SEC24B: variants seen among roughly 807,000 people sequenced by gnomAD.
SEC24B encodes protein transport protein Sec24B.
A neutral mutation model predicts 142.8 loss-of-function variants in SEC24B; 45 were observed. The ratio of observed to expected loss-of-function variants is 0.32; its 90% CI spans 0.25 to 0.40. The LOEUF is 0.40. SEC24B is among the 10% of genes least tolerant of loss of function. The probability of loss-of-function intolerance (pLI) is 1.00; values close to 1 mark genes in which losing one functional copy is unlikely to be tolerated. For missense variants in SEC24B, 1,409 were observed against 1,526.8 expected (o/e 0.92, Z 1.29); for synonymous variants, 574 against 568.2 (o/e 1.01, Z -0.15).
intron 3 of SEC24B, among the ~76,000 whole-genome samples, chr4:109,475,223 A>C (rs374563688): frequency 3.9e-5 from 6 of 152,310 alleles, no homozygotes; most frequent in African/African-American, 1.4e-4. Context: ...CTTTTTCATA[A>C]GTAGGAGAAT....
chr4:109,515,170 G>T lies in SEC24B; in HGVS notation c.2013+1314G>T, dbSNP rs185293594. Among the ~76,000 whole-genome samples the T allele has an allele frequency of 3.0e-4, 46 of 152,016 alleles. No individual in the cohort carries two copies. In the East Asian group the frequency reaches 7.9e-3, roughly 26 times the overall value. On this transcript the variant is annotated intron_variant, in intron 10 of 23. Coordinates refer to ENST00000265175, the MANE Select transcript of SEC24B (RefSeq NM_006323.5). The stretch of plus-strand genomic sequence containing the variant: ...GGCTGGAGTGCAGTGGCACCATCCC[G>T]GCTCACTGCAAGCTCTGCCTCCCGG...
intron 6 of SEC24B, among the ~76,000 whole-genome samples, chr4:109,498,034 C>A (rs1299707549): frequency 6.6e-6 from 1 of 152,130 alleles, no homozygotes; most frequent in Non-Finnish European, 1.5e-5. Context: ...GTGAAATCAC[C>A]TGTCCAGTAC....
chr4:109,513,506 A>G (rs182674256), intron 9 of SEC24B, among the ~76,000 whole-genome samples: 432 of 150,874 alleles, frequency 2.9e-3, no homozygotes, highest in Middle Eastern at 6.9e-3. Flanking sequence ...CTGTTCTCAA[A>G]CTCCTGACCT....
intron 1 of SEC24B, among the ~76,000 whole-genome samples, chr4:109,456,241 A>C (rs1487030603): frequency 1.3e-5 from 2 of 151,932 alleles, no homozygotes; most frequent in African/African-American, 2.4e-5. Flanking sequence ...GACCTTGATA[A>C]ACTCACTTAT....
At chr4:109,485,884 A>G (rs192534308) in intron 4 of SEC24B, among the ~76,000 whole-genome samples, 16 of 152,296 alleles carry the variant, frequency 1.1e-4, no homozygotes, top group African/African-American at 3.1e-4. Context: ...TTGTTCTCCA[A>G]CTTTGAAAAA....
chr4:109,518,422 G>C (rs1723213547), intron 11 of SEC24B, among the ~76,000 whole-genome samples: 1 of 152,134 alleles, frequency 6.6e-6, no homozygotes, highest in Admixed American at 6.5e-5. Flanking sequence ...TCGAGGTGTG[G>C]GGCTTGTTAT....
intron 15 of SEC24B, 81 bp from the exon 16 acceptor site, chr4:109,525,265 T>G: frequency 8.4e-7 from 1 of 1,186,984 alleles, no homozygotes; most frequent in East Asian, 2.6e-5. Flanking sequence ...GATTTCTTCA[T>G]AATGTAGAAT....
intron 7 of SEC24B, among the ~76,000 whole-genome samples, 196 bp downstream of exon 7, chr4:109,506,708 T>C (rs1450195501): frequency 6.6e-6 from 1 of 152,168 alleles, no homozygotes; most frequent in Non-Finnish European, 1.5e-5. Context: ...ATCCAGTCCC[T>C]TCCCCCCATC....
intron 3 of SEC24B, among the ~76,000 whole-genome samples, chr4:109,474,393 A>G (rs745643948): frequency 6.7e-6 from 1 of 149,396 alleles, no homozygotes; most frequent in Non-Finnish European, 1.5e-5. Flanking sequence ...TTGGCCTATT[A>G]CATTGCCCCT....
In SEC24B at chr4:109,463,780, TG is replaced by T. The variant is rs1186119946; in HGVS notation, c.877+137del. The T allele has an allele frequency of 2.2e-6, 3 of 1,358,900 alleles. No homozygotes were observed. In the African/African-American group the frequency reaches 4.4e-5, roughly 20 times the overall value. 84.2% of individuals were successfully genotyped at this position (1,358,900 alleles called of 1,614,324 possible). On this transcript the variant is annotated intron_variant, in intron 2 of 23. Coordinates refer to ENST00000265175, the MANE Select transcript of SEC24B (RefSeq NM_006323.5). ...AGTTTGCTAATTTATTGTGGCTTTT[TG>T]TAGCACCTCTTTGAACCCTTTCTTC...
intron 4 of SEC24B, among the ~76,000 whole-genome samples, chr4:109,488,414 G>C (rs1428758854): frequency 6.6e-6 from 1 of 151,970 alleles, no homozygotes; most frequent in Non-Finnish European, 1.5e-5. Context: ...TGTTTTCAAG[G>C]TTCATCCACA....
chr4:109,450,750 CTTTTTTTTTT>C (rs766975065), intron 1 of SEC24B: 2 of 118,600 alleles, frequency 1.7e-5, no homozygotes, highest in Non-Finnish European at 3.6e-5. Flanking sequence ...CTGTGCAATT[CTTTTTTTTTT>C]TTTTTTTTTT....
intron 1 of SEC24B, among the ~76,000 whole-genome samples, chr4:109,438,248 A>C (rs760697495): frequency 1.3e-5 from 2 of 152,206 alleles, no homozygotes; most frequent in Non-Finnish European, 2.9e-5. Flanking sequence ...GTATTAAATG[A>C]AGTCCATTTT....
chr4:109,513,299 T>C (rs1457670194), intron 9 of SEC24B, among the ~76,000 whole-genome samples: 9 of 140,286 alleles, frequency 6.4e-5, no homozygotes, highest in Non-Finnish European at 1.1e-4. Flanking sequence ...TTTTTTTTTT[T>C]CGGAGACAGA....
intron 1 of SEC24B, among the ~76,000 whole-genome samples, chr4:109,460,848 G>T (rs948107509): frequency 7.9e-5 from 12 of 151,322 alleles, no homozygotes; most frequent in Non-Finnish European, 1.6e-4. Flanking sequence ...ACTTATCAAA[G>T]ATATATAAAG....
chr4:109,515,292 G>A (rs1187755288), intron 10 of SEC24B, among the ~76,000 whole-genome samples: 5 of 151,950 alleles, frequency 3.3e-5, no homozygotes, highest in Non-Finnish European at 5.9e-5. Flanking sequence ...AAGTAGAGAC[G>A]GGGTTTCACC....
chr4:109,516,626 A>G lies in SEC24B; in HGVS notation c.2112A>G (p.Leu704=). The stretch of plus-strand genomic sequence containing the variant: ...TGACAATTTTGTGCCAGTCACTCCT[A>G]GAAAATCTAGACAAGTAAGAATATT... The part of the protein sequence containing the change: ...GYLTILCQSL[L]ENLDKLPGDS... Residue 704 remains leucine, a synonymous_variant, in exon 11 of 24, where the codon CTA becomes CTG. Transcript: ENST00000265175. 6.3e-7 allele frequency: 1 copy of G among 1,581,628 alleles called. No homozygotes were observed.
At chr4:109,515,342 C>A (rs1441265108) in intron 10 of SEC24B, among the ~76,000 whole-genome samples, 3 of 152,172 alleles carry the variant, frequency 2.0e-5, no homozygotes, top group African/African-American at 7.2e-5. Flanking sequence ...ACCTCGTAAT[C>A]CACCGGCCTC....
At chr4:109,481,000 C>A (rs148568336) in intron 3 of SEC24B, among the ~76,000 whole-genome samples, 1 of 152,056 alleles carries the variant, frequency 6.6e-6, no homozygotes, top group Non-Finnish European at 1.5e-5. Flanking sequence ...TCACCTGTTT[C>A]GGACTCACAT....
Sources: gnomAD v4.1 joint callset for allele counts (sites outside exome capture counted in the v4.1 genomes callset) on GRCh38, gnomAD v4.1.1 for gene constraint, MANE v1.5 for transcripts, NCBI Gene and HGNC (gene_info 2026-07-23, HGNC 2026-07-21) for gene names.